The following PEX5L variants were observed in gnomAD, a reference collection of about 807,000 sequenced individuals.
PEX5L encodes PEX5-related protein.
PEX5L carries 30 observed loss-of-function variants against 84.0 expected under a neutral mutation model. The ratio of observed to expected loss-of-function variants is 0.36; its 90% CI spans 0.27 to 0.48. The LOEUF (loss-of-function observed/expected upper bound fraction) is 0.48. Among genes scored for constraint, PEX5L ranks in the 20% least tolerant of loss-of-function variants. The probability of loss-of-function intolerance (pLI) is 0.99; values close to 1 mark genes in which losing one functional copy is unlikely to be tolerated. For missense variants in PEX5L, 533 were observed against 754.6 expected (o/e 0.71, Z 3.44); for synonymous variants, 270 against 283.1 (o/e 0.95, Z 0.46).
intron 2 of PEX5L, among the ~76,000 whole-genome samples, chr3:179,928,517 A>G (rs1772127222): frequency 6.6e-6 from 1 of 152,144 alleles, no homozygotes; most frequent in African/African-American, 2.4e-5. Flanking sequence ...TTTAAAAACC[A>G]TTTACAACAA....
At chr3:179,916,236 C>T (rs974014895) in intron 2 of PEX5L, among the ~76,000 whole-genome samples, 4 of 152,106 alleles carry the variant, frequency 2.6e-5, no homozygotes, top group Admixed American at 1.3e-4. Flanking sequence ...ATAGAGTGTA[C>T]TTACCAAAAC....
chr3:179,833,188 G>A (rs1422902049), intron 8 of PEX5L, among the ~76,000 whole-genome samples: 3 of 152,204 alleles, frequency 2.0e-5, no homozygotes, highest in Non-Finnish European at 2.9e-5. Flanking sequence ...GAATGGAGAG[G>A]AAAGGGTGAA....
intron 1 of PEX5L, among the ~76,000 whole-genome samples, chr3:180,020,340 C>T (rs972398022): frequency 2.6e-5 from 4 of 151,912 alleles, no homozygotes; most frequent in Admixed American, 2.6e-4. Flanking sequence ...AGATCAACAG[C>T]TTCTCCCCCA....
intron 2 of PEX5L, among the ~76,000 whole-genome samples, chr3:179,918,210 G>A (rs1767942201): frequency 6.6e-6 from 1 of 152,096 alleles, no homozygotes; most frequent in Non-Finnish European, 1.5e-5. Flanking sequence ...GGCCCATGTT[G>A]TCAGCCATGA....
intron 2 of PEX5L, among the ~76,000 whole-genome samples, chr3:179,930,126 G>A (rs1008146645): frequency 1.3e-5 from 2 of 152,154 alleles, no homozygotes; most frequent in African/African-American, 4.8e-5. Context: ...AGACATTCTA[G>A]ATGTGGGAGT....
rs1579443464 is a variant in PEX5L, at chr3:180,036,659, T to C, written c.-60A>G. ...CCGGATGCTTTTCCCCCGTGCTTACTTGCCCACCAAAAGAGGGGAAAAGGT... is the reference window on the plus strand; with the variant it reads ...CCGGATGCTTTTCCCCCGTGCTTACCTGCCCACCAAAAGAGGGGAAAAGGT... On this transcript the variant is annotated 5_prime_UTR_variant, in exon 1 of 15. Transcript: ENST00000467460. 3 of 1,595,466 alleles carry C rather than the reference T, an allele frequency of 1.9e-6. No individual in the cohort carries two copies. The highest frequency in any genetic ancestry group is 1.7e-6 in the Non-Finnish European group (2 of 1,163,002).
chr3:180,017,156 C>T (rs747733108), intron 1 of PEX5L, among the ~76,000 whole-genome samples: 13 of 152,120 alleles, frequency 8.5e-5, no homozygotes, highest in Non-Finnish European at 1.6e-4. Flanking sequence ...TAAAGGAAAT[C>T]GGGAGAACCA....
chr3:179,984,842 A>G (rs1226151754), intron 1 of PEX5L, among the ~76,000 whole-genome samples: 1 of 152,182 alleles, frequency 6.6e-6, no homozygotes, highest in Non-Finnish European at 1.5e-5. Flanking sequence ...TATTTGAGTT[A>G]TATCCTTTAA....
chr3:179,937,275 G>A (rs1197693106), intron 2 of PEX5L, among the ~76,000 whole-genome samples: 2 of 152,058 alleles, frequency 1.3e-5, no homozygotes, highest in Non-Finnish European at 2.9e-5. Context: ...AAGTACCAAA[G>A]GACCAAGGTT....
chr3:179,987,238 C>T (rs59944664), intron 1 of PEX5L, among the ~76,000 whole-genome samples: 2,161 of 151,826 alleles, frequency 0.014, 51 homozygotes, highest in African/African-American at 0.05. Flanking sequence ...CCCTCCCTCC[C>T]TTCATTTCCC....
At chr3:179,898,829 A>G (rs1760234099) in intron 2 of PEX5L, among the ~76,000 whole-genome samples, 1 of 152,150 alleles carries the variant, frequency 6.6e-6, no homozygotes, top group African/African-American at 2.4e-5. Context: ...AACTTCATGA[A>G]AAAAACATTT....
At chr3:179,961,262 A>T (rs1260299124) in intron 2 of PEX5L, among the ~76,000 whole-genome samples, 1 of 151,926 alleles carries the variant, frequency 6.6e-6, no homozygotes, top group Non-Finnish European at 1.5e-5. Context: ...AGGAAGTGGT[A>T]CCCATTTCAA....
rs115177257 is a variant in PEX5L, at chr3:180,012,810, C to T, written c.21+23769G>A. Among the ~76,000 whole-genome samples, 916 of 151,932 alleles carry T rather than the reference C, an allele frequency of 6.0e-3. 9 individuals are homozygous for T. Among genetic ancestry groups the T allele is most frequent in the African/African-American group, 0.021 (878 of 41,438 alleles). On this transcript the variant is annotated intron_variant, in intron 1 of 14. Transcript: ENST00000467460. ...TAATACCTATATCTTATTAGGTTGT[C>T]GACCTAATAGTAAATCTTTTCTAAT...
At chr3:179,906,527 TA>T (rs1269123538) in intron 2 of PEX5L, among the ~76,000 whole-genome samples, 48 of 152,234 alleles carry the variant, frequency 3.2e-4, no homozygotes, top group Admixed American at 3.1e-3. Flanking sequence ...ATTTCATAAT[TA>T]ATAAGTAAAT....
At chr3:180,026,431 T>C (rs1283113935) in intron 1 of PEX5L, among the ~76,000 whole-genome samples, 1 of 152,224 alleles carries the variant, frequency 6.6e-6, no homozygotes, top group Non-Finnish European at 1.5e-5. Context: ...TGCATGAATA[T>C]GAAACATGAA....
At chr3:179,868,047 T>TC (rs200702847) in intron 7 of PEX5L, among the ~76,000 whole-genome samples, 1 of 133,002 alleles carries the variant, frequency 7.5e-6, no homozygotes. Context: ...TTCTTCTTTT[T>TC]TTTTTTTTTT....
At chr3:180,035,719 C>T (rs1791843767) in intron 1 of PEX5L, among the ~76,000 whole-genome samples, 1 of 152,172 alleles carries the variant, frequency 6.6e-6, no homozygotes, top group Admixed American at 6.5e-5. Context: ...ATTTGACCAT[C>T]TTTGGAATGG....
intron 2 of PEX5L, among the ~76,000 whole-genome samples, chr3:179,930,354 A>G (rs1723107050): frequency 6.6e-6 from 1 of 152,174 alleles, no homozygotes. Flanking sequence ...CACTCCTGTT[A>G]TATATGGAAT....
chr3:179,914,539 C>T (rs1053281485), intron 2 of PEX5L, among the ~76,000 whole-genome samples: 3 of 152,136 alleles, frequency 2.0e-5, no homozygotes, highest in Admixed American at 6.5e-5. Context: ...TGTGTTGCCA[C>T]AGTCATGTGG....
Sources: gnomAD v4.1 joint callset for allele counts (sites outside exome capture counted in the v4.1 genomes callset) on GRCh38, gnomAD v4.1.1 for gene constraint, MANE v1.5 for transcripts, NCBI Gene and HGNC (gene_info 2026-07-23, HGNC 2026-07-21) for gene names.